The following MAST4 variants were observed in gnomAD, a reference collection of about 807,000 sequenced individuals.
MAST4 encodes microtubule associated serine/threonine kinase family member 4.
Under a neutral mutation model 162.7 loss-of-function variants are expected in MAST4, and 89 were observed. The observed-to-expected ratio is 0.55, with a 90% CI of 0.46 to 0.65. MAST4 has a LOEUF of 0.65. Ranked by LOEUF, MAST4 falls within the 30% of genes least tolerant of loss-of-function variation. The pLI is 0.00. For missense variants in MAST4, 3,153 were observed against 3,374.0 expected (o/e 0.93, Z 1.62); for synonymous variants, 1,479 against 1,361.1 (o/e 1.09, Z -1.91).
chr5:66,826,972 C>T (rs1372927914), intron 3 of MAST4, among the ~76,000 whole-genome samples: 4 of 152,118 alleles, frequency 2.6e-5, no homozygotes, highest in Non-Finnish European at 4.4e-5. Context: ...TCGTTCCCTT[C>T]GTTTTCACTG....
At chr5:67,036,425 A>G (rs554807938) in intron 4 of MAST4, among the ~76,000 whole-genome samples, 128 of 152,290 alleles carry the variant, frequency 8.4e-4, no homozygotes, top group African/African-American at 2.9e-3. Context: ...AGTAATCACT[A>G]TTATGATTTA....
At chr5:66,829,216 G>C (rs943348776) in intron 3 of MAST4, among the ~76,000 whole-genome samples, 2 of 151,876 alleles carry the variant, frequency 1.3e-5, no homozygotes, top group African/African-American at 4.8e-5. Flanking sequence ...GAAGTCTGTC[G>C]AGGGGTAGCA....
chr5:67,148,166 G>A (rs1581722920), intron 23 of MAST4, among the ~76,000 whole-genome samples: 1 of 152,196 alleles, frequency 6.6e-6, no homozygotes, highest in Non-Finnish European at 1.5e-5. Context: ...TCTTTCAAAG[G>A]ATCATTTATA....
At chr5:66,902,039 C>T (rs1383601204) in intron 4 of MAST4, among the ~76,000 whole-genome samples, 2 of 152,130 alleles carry the variant, frequency 1.3e-5, no homozygotes, top group Non-Finnish European at 1.5e-5. Flanking sequence ...GAGAATTAAA[C>T]CTGTTAACAC....
chr5:66,788,662 T>C lies in MAST4; in HGVS notation c.518-8T>C. On this transcript the variant is annotated splice_polypyrimidine_tract_variant and splice_region_variant and intron_variant, in intron 2 of 28. Coordinates refer to ENST00000403625, the MANE Select transcript of MAST4 (RefSeq NM_001164664.2). ...TCACTTACATTTTCTTCTCTTTAAC[T>C]CCAACAGGGAGGTACCTTCTTCCAA... The C allele has an allele frequency of 7.2e-7, 1 of 1,390,498 alleles. No homozygotes were observed. Among genetic ancestry groups the C allele is most frequent in the Non-Finnish European group, 9.6e-7 (1 of 1,039,056 alleles). The allele number at this position is 1,390,498 out of a possible 1,614,324, so 86.1% of individuals were successfully genotyped here.
chr5:66,811,480 G>C (rs1340307318), intron 3 of MAST4, among the ~76,000 whole-genome samples: 2 of 152,144 alleles, frequency 1.3e-5, no homozygotes, highest in African/African-American at 4.8e-5. Flanking sequence ...TAGGTTCTTG[G>C]TCTCTCTACC....
intron 4 of MAST4, among the ~76,000 whole-genome samples, chr5:66,955,978 T>C (rs976578219): frequency 9.3e-5 from 14 of 150,192 alleles, no homozygotes; most frequent in African/African-American, 2.7e-4. Context: ...TAAGGTTTTT[T>C]TTTTTGTTTG....
chr5:67,116,274 C>T (rs984294053), intron 12 of MAST4, among the ~76,000 whole-genome samples: 7 of 151,940 alleles, frequency 4.6e-5, no homozygotes, highest in Admixed American at 1.3e-4. Flanking sequence ...GGCATGATCT[C>T]GGCTCACTGC....
intron 4 of MAST4, chr5:66,902,751 C>T (rs1412398091): frequency 1.3e-5 from 6 of 459,778 alleles, no homozygotes; most frequent in South Asian, 6.5e-5. Flanking sequence ...CTCCAGATCA[C>T]TTTTCCAGAG....
chr5:66,659,564 AG>A (rs1344424854), intron 1 of MAST4, among the ~76,000 whole-genome samples: 2 of 152,212 alleles, frequency 1.3e-5, no homozygotes, highest in African/African-American at 4.8e-5. Context: ...GTTTAAAGTC[AG>A]TTTAGGTTTT....
At chr5:66,643,412 G>T (rs913500471) in intron 1 of MAST4, among the ~76,000 whole-genome samples, 3 of 152,046 alleles carry the variant, frequency 2.0e-5, no homozygotes, top group Non-Finnish European at 4.4e-5. Flanking sequence ...AACATTTTTG[G>T]TTTTCAGCAT....
At chr5:66,765,897 C>G (rs1156478350) in intron 2 of MAST4, among the ~76,000 whole-genome samples, 3 of 152,178 alleles carry the variant, frequency 2.0e-5, no homozygotes, top group African/African-American at 7.2e-5. Flanking sequence ...CTGGAGCTCA[C>G]TATGCACATT....
intron 4 of MAST4, among the ~76,000 whole-genome samples, chr5:66,984,503 A>G (rs751703608): frequency 2.0e-5 from 3 of 152,234 alleles, no homozygotes; most frequent in Non-Finnish European, 4.4e-5. Context: ...CAGAATGTGC[A>G]GGTTTGTTAC....
At chr5:67,126,347 A>T (rs1454655188) in intron 14 of MAST4, among the ~76,000 whole-genome samples, 1 of 152,152 alleles carries the variant, frequency 6.6e-6, no homozygotes, top group Non-Finnish European at 1.5e-5. Context: ...GGTATTACCT[A>T]GGTTTTCCTC....
At chr5:66,693,305 A>C (rs553097042) in intron 1 of MAST4, among the ~76,000 whole-genome samples, 1 of 152,308 alleles carries the variant, frequency 6.6e-6, no homozygotes, top group Non-Finnish European at 1.5e-5. Flanking sequence ...AAGGCATCTA[A>C]AAAAAATCTA....
intron 1 of MAST4, among the ~76,000 whole-genome samples, chr5:66,603,628 A>G (rs545198923): frequency 1.3e-3 from 202 of 152,382 alleles, no homozygotes; most frequent in South Asian, 4.1e-3. Flanking sequence ...TTTCAAAAAT[A>G]CAAGAACTCC....
rs377697111 is a variant in MAST4 at position 66,664,686 on chromosome 5, A to G, written c.363+67668A>G. On this transcript the variant is annotated intron_variant, in intron 1 of 28. Transcript: ENST00000403625. ...AGATAGAGAAGAACAAGGAGAGGAT[A>G]AGACTTGCTCAAAAACCAAGAGAAG... is the stretch of plus-strand genomic sequence containing the variant. 2.0e-4 allele frequency among the ~76,000 whole-genome samples: 31 copies of G among 152,010 alleles called. No homozygotes were observed. The East Asian group carries it at 5.8e-3, about 28-fold the overall frequency.
chr5:66,618,625 G>A (rs775766791), intron 1 of MAST4, among the ~76,000 whole-genome samples: 1 of 152,022 alleles, frequency 6.6e-6, no homozygotes, highest in Non-Finnish European at 1.5e-5. Flanking sequence ...AGACAGACAC[G>A]CTGGTTTAAA....
At chr5:67,047,074 G>A (rs1757469329) in intron 4 of MAST4, among the ~76,000 whole-genome samples, 1 of 152,208 alleles carries the variant, frequency 6.6e-6, no homozygotes, top group South Asian at 2.1e-4. Context: ...TGTAACACTT[G>A]CATTGAATTT....
Sources: gnomAD v4.1 joint callset for allele counts (sites outside exome capture counted in the v4.1 genomes callset) on GRCh38, gnomAD v4.1.1 for gene constraint, MANE v1.5 for transcripts, NCBI Gene and HGNC (gene_info 2026-07-23, HGNC 2026-07-21) for gene names.